Variants in SLC35F6 observed in about 807,000 individuals in gnomAD.
SLC35F6 encodes the protein solute carrier family 35 member F6, also known as ANT2-binding protein.
Under a neutral mutation model 29.4 loss-of-function variants are expected in SLC35F6, and 26 were observed. That is an observed-to-expected ratio of 0.89 (90% CI 0.65 to 1.23). The LOEUF is 1.23. Among genes scored for constraint, SLC35F6 ranks in the 50% most tolerant of loss-of-function variants. The probability of loss-of-function intolerance (pLI) is 0.00; values close to 1 mark genes in which losing one functional copy is unlikely to be tolerated. For synonymous variants in SLC35F6, 174 were observed against 206.6 expected (o/e 0.84, Z 1.35); for missense variants, 428 against 487.8 (o/e 0.88, Z 1.15).
chr2:26,767,539 TC>T (rs1259215353), intron 1 of SLC35F6, among the ~76,000 whole-genome samples: 1 of 152,180 alleles, frequency 6.6e-6, no homozygotes, highest in African/African-American at 2.4e-5. Context: ...AGGGGGCCCC[TC>T]CCTGTGAAGT....
chr2:26,775,097 C>G lies in SLC35F6; in HGVS notation c.204C>G (p.Leu68=). Residue 68 remains leucine (L), a synonymous_variant, in exon 3 of 6, where the codon CTC becomes CTG. Coordinates refer to ENST00000344420, the MANE Select transcript of SLC35F6 (RefSeq NM_017877.4). The surrounding 1 kb of genome is among the most constrained non-coding windows in gnomAD (Gnocchi z 4.6). The stretch of plus-strand genomic sequence containing the variant: ...CCTGCCTGGCTGCCTTCTACCTCCT[C>G]CGATGCAGAGCTGCAGGGCAATCAG... ...EFSCLAAFYL[L]RCRAAGQSDS... 6.2e-7 allele frequency: 1 copy of G among 1,614,152 alleles called. No individual in the cohort carries two copies. The highest frequency in any genetic ancestry group is 1.1e-5 in the South Asian group (1 of 91,076).
intron 1 of SLC35F6, among the ~76,000 whole-genome samples, chr2:26,770,778 C>T (rs965009461): frequency 6.6e-6 from 1 of 152,162 alleles, no homozygotes. Context: ...GAAGAACTGA[C>T]AGCAAAGTGC....
intron 1 of SLC35F6, among the ~76,000 whole-genome samples, chr2:26,772,883 C>T (rs1029354447): frequency 3.9e-5 from 6 of 152,172 alleles, no homozygotes; most frequent in Non-Finnish European, 8.8e-5. Flanking sequence ...AAGCACTATG[C>T]CACAAAGGAT....
intron 1 of SLC35F6, among the ~76,000 whole-genome samples, chr2:26,773,537 G>T (rs1394069845): frequency 1.4e-5 from 2 of 144,180 alleles, no homozygotes; most frequent in African/African-American, 2.6e-5. Context: ...GATTACAAAA[G>T]AAGTCAATTA....
At chr2:26,765,440 G>C (rs1388857219) in intron 1 of SLC35F6, among the ~76,000 whole-genome samples, 1 of 152,186 alleles carries the variant, frequency 6.6e-6, no homozygotes, top group South Asian at 2.1e-4. Flanking sequence ...GCATTTCTTT[G>C]TCTCTCTCTG....
intron 1 of SLC35F6, among the ~76,000 whole-genome samples, chr2:26,766,522 C>T (rs911235759): frequency 2.6e-5 from 4 of 152,036 alleles, no homozygotes; most frequent in East Asian, 1.9e-4. Flanking sequence ...TGCTTGAACC[C>T]GGGAGGCGGA....
chr2:26,765,774 C>T (rs1278084165), intron 1 of SLC35F6, among the ~76,000 whole-genome samples: 4 of 152,352 alleles, frequency 2.6e-5, no homozygotes, highest in African/African-American at 9.6e-5. Context: ...GCCCTGCATC[C>T]TCCTGAGGAT....
rs1372628564 is a variant in SLC35F6, at chr2:26,764,300, G to A, written c.-50G>A. On this transcript the variant is annotated 5_prime_UTR_variant, in exon 1 of 6. The change creates a new upstream start codon in the 5' untranslated region. Transcript: ENST00000344420. ...GAAGCGCTCGCGCAGGAGACCCCGG[G>A]TGACGGGGCCCGGCGCCGCTAACTG... 3 of 1,544,332 alleles carry A rather than the reference G, an allele frequency of 1.9e-6. No individual in the cohort carries two copies. The highest frequency in any genetic ancestry group is 2.6e-6 in the Non-Finnish European group (3 of 1,143,788).
At position 26,764,317 on chromosome 2, in the gene SLC35F6, C is replaced by T. The variant is rs755931463; in HGVS notation, c.-33C>T. On this transcript the variant is annotated 5_prime_UTR_variant, in exon 1 of 6. Transcript: ENST00000344420. The stretch of plus-strand genomic sequence containing the variant: ...GACCCCGGGTGACGGGGCCCGGCGC[C>T]GCTAACTGGAGCGAACCCCAGCGTC... 4.5e-6 allele frequency: 7 copies of T among 1,547,874 alleles called. No individual in the cohort carries two copies. The highest frequency in any genetic ancestry group is 6.1e-6 in the Non-Finnish European group (7 of 1,145,858).
chr2:26,764,585 G>A (rs140411072), intron 1 of SLC35F6, among the ~76,000 whole-genome samples, 159 bp downstream of exon 1: 23 of 152,360 alleles, frequency 1.5e-4, no homozygotes, highest in Admixed American at 5.2e-4. Flanking sequence ...CGAGGCCCGG[G>A]GAAATGCGGA....
rs76399532 is a variant in SLC35F6, at chr2:26,775,871, G to A, written c.535+195G>A. Among the ~76,000 whole-genome samples the A allele has an allele frequency of 6.8e-3, 1,029 of 152,274 alleles. 11 individuals carry two copies. The highest frequency in any genetic ancestry group is 0.023 in the African/African-American group (972 of 41,550). On this transcript the variant is annotated intron_variant, in intron 4 of 5. Coordinates refer to ENST00000344420, the MANE Select transcript of SLC35F6 (RefSeq NM_017877.4). This position sits in a 1 kb window ranked among gnomAD's most constrained non-coding sequence, Gnocchi z 4.6. ...CTCCACCAAGGATGAGTGGCAGGCC[G>A]GGCAGGGCGAGGGGCTGGCTTGTCC... is the stretch of plus-strand genomic sequence containing the variant.
At chr2:26,777,912 C>T (rs915816038) in intron 5 of SLC35F6, 130 bp from the exon 6 acceptor site, 6 of 792,458 alleles carry the variant, frequency 7.6e-6, no homozygotes, top group Admixed American at 2.7e-5. Flanking sequence ...GACTGAGGGA[C>T]GTGAAAGGAG....
Position 26,776,484 on chromosome 2 carries a change from T to G in SLC35F6, c.646+2T>G. On this transcript the variant is annotated splice_donor_variant, in intron 5 of 5. Transcript: ENST00000344420. LOFTEE classifies it high-confidence loss of function. ...CACTGCGGGCAGTTGGCACTGAGGG[T>G]GTGTGTGGGCACAGGGGCCTGGAAG... is the stretch of plus-strand genomic sequence containing the variant. 6.2e-7 allele frequency: 1 copy of G among 1,613,638 alleles called. No homozygotes were observed. Among genetic ancestry groups the G allele is most frequent in the South Asian group, 1.1e-5 (1 of 91,058 alleles).
intron 1 of SLC35F6, among the ~76,000 whole-genome samples, chr2:26,769,443 C>T (rs532025045): frequency 5.0e-4 from 76 of 152,362 alleles, no homozygotes; most frequent in African/African-American, 1.8e-3. Flanking sequence ...TCTCCTCCCA[C>T]CAGCTAGGGG....
rs576182451 is a variant in SLC35F6, at chr2:26,778,425, C to G, written c.1030C>G (p.Leu344Val). ...NGLHRPLLGRLSRGRPLAEES... is the reference protein window; with the variant it reads ...NGLHRPLLGRVSRGRPLAEES... ...GCTACACCGTCCGCTGCTGGGCCGC[C>G]TGTCCAGGGGCCGGCCCCTGGCAGA... Residue 344 changes from leucine to valine, a missense_variant, in exon 6 of 6, where the codon CTG becomes GTG. Leu to Val is a conservative substitution (Grantham distance 32, BLOSUM62 1). Coordinates refer to ENST00000344420, the MANE Select transcript of SLC35F6 (RefSeq NM_017877.4). The G allele has an allele frequency of 1.2e-6, 2 of 1,614,146 alleles. No homozygotes were observed. Among genetic ancestry groups the G allele is most frequent in the South Asian group, 2.2e-5 (2 of 91,074 alleles).
In SLC35F6 at chr2:26,775,696, C is replaced by A; in HGVS notation, c.535+20C>A. 6.5e-7 allele frequency: 1 copy of A among 1,543,392 alleles called. No homozygotes were observed. The highest frequency in any genetic ancestry group is 8.7e-7 in the Non-Finnish European group (1 of 1,148,050). ...TCACAGGTGCGGCCAGGGGCAGGGACACGGGGCTGCCCTATCCTGCCCTGT... is the reference window on the plus strand; with the variant it reads ...TCACAGGTGCGGCCAGGGGCAGGGAAACGGGGCTGCCCTATCCTGCCCTGT... On this transcript the variant is annotated intron_variant, in intron 4 of 5. Transcript: ENST00000344420. The surrounding 1 kb of genome is among the most constrained non-coding windows in gnomAD (Gnocchi z 4.6).
intron 5 of SLC35F6, among the ~76,000 whole-genome samples, chr2:26,777,077 T>C (rs935591950): frequency 3.3e-5 from 5 of 152,232 alleles, no homozygotes; most frequent in African/African-American, 9.6e-5. Context: ...CGCATGCCTG[T>C]AGTCCCAGCT....
chr2:26,774,267 A>G lies in SLC35F6; in HGVS notation c.94A>G (p.Met32Val), dbSNP rs754754409. 3 of 1,613,954 alleles carry G rather than the reference A, an allele frequency of 1.9e-6. No individual in the cohort carries two copies. The highest frequency in any genetic ancestry group is 3.3e-5 in the Admixed American group (2 of 60,012). ...TLSAKWADNF[M>V]AEGCGGSKEH... is the part of the protein sequence containing the mutation. ...CTCCTACAGATGGGCGGACAATTTC[A>G]TGGCCGAGGGCTGTGGAGGGAGCAA... Residue 32 changes from methionine (M) to valine (V), a missense_variant, in exon 2 of 6, where the codon ATG becomes GTG. By Grantham distance (21) the Met-to-Val change is conservative. Coordinates refer to ENST00000344420, the MANE Select transcript of SLC35F6 (RefSeq NM_017877.4).
intron 1 of SLC35F6, among the ~76,000 whole-genome samples, chr2:26,772,629 C>A (rs1664219038): frequency 6.6e-6 from 1 of 152,156 alleles, no homozygotes; most frequent in Non-Finnish European, 1.5e-5. Context: ...CTGGGTACAC[C>A]AGAGTACTTC....
Sources: allele counts gnomAD v4.1 joint callset (sites outside exome capture counted in the v4.1 genomes callset), GRCh38; gene constraint gnomAD v4.1.1; non-coding constraint Gnocchi (gnomAD v3.1); transcripts MANE v1.5; gene names NCBI Gene and HGNC (gene_info 2026-07-23, HGNC 2026-07-21).